Variants in CADM1 observed in about 807,000 individuals in gnomAD.
CADM1 encodes cell adhesion molecule 1.
CADM1 carries 15 observed loss-of-function variants against 53.1 expected under a neutral mutation model. The observed-to-expected ratio is 0.28, with a 90% confidence interval of 0.19 to 0.44. The LOEUF is 0.44. CADM1 is among the 20% of genes least tolerant of loss of function. The pLI is 1.00. For missense variants in CADM1, 434 were observed against 611.3 expected (o/e 0.71, Z 3.06); for synonymous variants, 281 against 243.0 (o/e 1.16, Z -1.45).
intron 1 of CADM1, among the ~76,000 whole-genome samples, chr11:115,258,358 C>G (rs1330993319): frequency 6.6e-6 from 1 of 152,178 alleles, no homozygotes; most frequent in Non-Finnish European, 1.5e-5. Context: ...TGATGCATCG[C>G]CTGCCCTTTC....
chr11:115,403,172 A>C (rs924432358), intron 1 of CADM1, among the ~76,000 whole-genome samples: 9 of 152,244 alleles, frequency 5.9e-5, no homozygotes, highest in African/African-American at 2.2e-4. Flanking sequence ...ACATTCTTGC[A>C]AACAAATGCA....
chr11:115,383,319 A>G (rs1339282086), intron 1 of CADM1, among the ~76,000 whole-genome samples: 1 of 152,258 alleles, frequency 6.6e-6, no homozygotes, highest in Admixed American at 6.5e-5. Context: ...TCAATGCGAA[A>G]GGAAATACAT....
intron 1 of CADM1, among the ~76,000 whole-genome samples, chr11:115,445,138 C>T (rs1163768928): frequency 6.6e-6 from 1 of 152,198 alleles, no homozygotes; most frequent in Non-Finnish European, 1.5e-5. Context: ...TTTATGTCAA[C>T]CTGTCCTGAA....
intron 1 of CADM1, among the ~76,000 whole-genome samples, chr11:115,420,271 C>T (rs1318723903): frequency 6.6e-6 from 1 of 152,146 alleles, no homozygotes; most frequent in African/African-American, 2.4e-5. Context: ...AGCAAGGGGA[C>T]AAGTTATAGC....
chr11:115,380,751 G>T (rs938195859), intron 1 of CADM1, among the ~76,000 whole-genome samples: 1 of 152,170 alleles, frequency 6.6e-6, no homozygotes, highest in Admixed American at 6.5e-5. Flanking sequence ...ATGATCATAC[G>T]TGTATGCTGA....
chr11:115,419,440 C>T (rs535532518), intron 1 of CADM1, among the ~76,000 whole-genome samples: 3 of 152,164 alleles, frequency 2.0e-5, no homozygotes, highest in Non-Finnish European at 2.9e-5. Flanking sequence ...CCTTTTGATG[C>T]CCCTCCCCTG....
intron 1 of CADM1, among the ~76,000 whole-genome samples, chr11:115,264,105 A>T (rs754732392): frequency 6.6e-6 from 1 of 152,128 alleles, no homozygotes; most frequent in African/African-American, 2.4e-5. Context: ...ATACTACTCA[A>T]TTAGGATCAA....
At chr11:115,227,760 G>A (rs903098609) in intron 5 of CADM1, among the ~76,000 whole-genome samples, 6 of 152,162 alleles carry the variant, frequency 3.9e-5, no homozygotes, top group Admixed American at 2.6e-4. Context: ...CCAAGCTCAC[G>A]GAGTTAAGAA....
chr11:115,401,365 T>C (rs1207873310), intron 1 of CADM1, among the ~76,000 whole-genome samples: 2 of 151,134 alleles, frequency 1.3e-5, no homozygotes, highest in Non-Finnish European at 2.9e-5. Context: ...TCCCAGCACT[T>C]TGGGAGGCCG....
At chr11:115,412,160 C>A (rs2135247671) in intron 1 of CADM1, among the ~76,000 whole-genome samples, 1 of 152,106 alleles carries the variant, frequency 6.6e-6, no homozygotes, top group Admixed American at 6.5e-5. Context: ...TTATAAACAG[C>A]TTTATGAAGC....
chr11:115,488,036 G>GAAAA (rs11404998), intron 1 of CADM1, among the ~76,000 whole-genome samples: 5,522 of 147,394 alleles, frequency 0.037, 155 homozygotes, highest in Middle Eastern at 0.096. Flanking sequence ...GCAATCCCTG[G>GAAAA]AAAAAAAAAA....
intron 1 of CADM1, among the ~76,000 whole-genome samples, chr11:115,411,436 T>C (rs1390114945): frequency 1.3e-5 from 2 of 152,178 alleles, no homozygotes; most frequent in Admixed American, 6.5e-5. Flanking sequence ...TATTTAGTTA[T>C]GGAATGATAG....
At chr11:115,217,856 C>T (rs573679850) in intron 6 of CADM1, 36 bp downstream of exon 6, 1 of 1,318,210 alleles carries the variant, frequency 7.6e-7, no homozygotes, top group South Asian at 1.2e-5. Context: ...ATTTACTGCG[C>T]ATGACCCTCT....
intron 1 of CADM1, among the ~76,000 whole-genome samples, chr11:115,432,243 C>T (rs1471669093): frequency 6.6e-6 from 1 of 152,082 alleles, no homozygotes; most frequent in East Asian, 1.9e-4. Context: ...CCACACCCGG[C>T]CCTAAATATA....
chr11:115,451,612 C>T (rs1333154533), intron 1 of CADM1, among the ~76,000 whole-genome samples: 3 of 152,184 alleles, frequency 2.0e-5, no homozygotes, highest in South Asian at 4.1e-4. Context: ...ACATCCCCTA[C>T]AGACCACTTA....
intron 1 of CADM1, among the ~76,000 whole-genome samples, chr11:115,476,818 G>A (rs752482652): frequency 1.3e-5 from 2 of 152,130 alleles, no homozygotes; most frequent in Non-Finnish European, 2.9e-5. Context: ...CAGCAAACAA[G>A]CCATGGGGCA....
chr11:115,402,040 T>A (rs924078950), intron 1 of CADM1, among the ~76,000 whole-genome samples: 1 of 152,146 alleles, frequency 6.6e-6, no homozygotes, highest in African/African-American at 2.4e-5. Flanking sequence ...AAGTCTGTTA[T>A]AAAGTTAGAG....
intron 1 of CADM1, among the ~76,000 whole-genome samples, chr11:115,373,829 T>C (rs540452659): frequency 2.0e-5 from 3 of 152,266 alleles, no homozygotes; most frequent in African/African-American, 7.2e-5. Context: ...GTATGATGTA[T>C]CCCAGTTTAA....
intron 5 of CADM1, 170 bp from the exon 6 acceptor site, chr11:115,218,161 T>C (rs1005370400): frequency 1.5e-5 from 10 of 648,770 alleles, no homozygotes; most frequent in East Asian, 2.8e-5. Flanking sequence ...TCAAATTAAA[T>C]TGACTAATAA....
Sources: allele counts gnomAD v4.1 joint callset (sites outside exome capture counted in the v4.1 genomes callset), GRCh38; gene constraint gnomAD v4.1.1; transcripts MANE v1.5; gene names NCBI Gene and HGNC (gene_info 2026-07-23, HGNC 2026-07-21).